Variants in FOXK1 observed in about 807,000 individuals in gnomAD.
FOXK1 encodes forkhead box K1.
FOXK1 carries 19 observed loss-of-function variants against 51.9 expected under a neutral mutation model. The ratio of observed to expected loss-of-function variants is 0.37; its 90% CI spans 0.26 to 0.54. The LOEUF is 0.54. FOXK1 is among the 20% of genes least tolerant of loss of function. FOXK1 has a pLI of 0.87. For synonymous variants in FOXK1, 537 were observed against 482.6 expected (o/e 1.11, Z -1.48); for missense variants, 870 against 1,032.7 (o/e 0.84, Z 2.16).
At chr7:4,700,243 T>C (rs562743536) in intron 1 of FOXK1, among the ~76,000 whole-genome samples, 1 of 152,228 alleles carries the variant, frequency 6.6e-6, no homozygotes, top group Non-Finnish European at 1.5e-5. Context: ...ATAGCCTCAG[T>C]ACATACCAAT....
Position 4,729,168 on chromosome 7 carries a change from A to G in FOXK1, c.561-11670A>G, listed in dbSNP as rs1583198822. Among the ~76,000 whole-genome samples the G allele has an allele frequency of 6.6e-6, 1 of 152,194 alleles. No individual in the cohort carries two copies. The highest frequency in any genetic ancestry group is 1.9e-4 in the East Asian group (1 of 5,196). ...CTTTTTACGTCTGTTTAAGCCACAC[A>G]GCATGGTGGGGAGCGGAGGTGATTT... On this transcript the variant is annotated intron_variant, in intron 1 of 8. Coordinates refer to ENST00000328914, the MANE Select transcript of FOXK1 (RefSeq NM_001037165.2). This position sits in a 1 kb window ranked among gnomAD's most constrained non-coding sequence, Gnocchi z 6.2.
intron 1 of FOXK1, among the ~76,000 whole-genome samples, chr7:4,717,634 C>A (rs1424459121): frequency 6.6e-6 from 1 of 152,148 alleles, no homozygotes; most frequent in Non-Finnish European, 1.5e-5. Flanking sequence ...AGGTACTCCA[C>A]CCTAGCCCCA....
At chr7:4,687,586 G>A (rs1466399538) in intron 1 of FOXK1, among the ~76,000 whole-genome samples, 1 of 152,100 alleles carries the variant, frequency 6.6e-6, no homozygotes, top group Admixed American at 6.6e-5. Flanking sequence ...GAGCTACTAC[G>A]CCCGGCCCCA....
Position 4,754,627 on chromosome 7 carries a change from C to G in FOXK1, c.903+12C>G, listed in dbSNP as rs1230612483. On this transcript the variant is annotated intron_variant, in intron 3 of 8. Transcript: ENST00000328914. Reference sequence around the variant, plus strand: ...GAGACAGCCCCAAGGTCTGAGCCCACCTGGCGCCGTGGTGCACCTGGTGAC... The same window carrying G: ...GAGACAGCCCCAAGGTCTGAGCCCAGCTGGCGCCGTGGTGCACCTGGTGAC... 6.3e-7 allele frequency: 1 copy of G among 1,599,608 alleles called. No homozygotes were observed. The highest frequency in any genetic ancestry group is 1.7e-5 in the Admixed American group (1 of 59,854).
At position 4,766,477 on chromosome 7, in the gene FOXK1, CTT is replaced by C. The variant is rs1296875685; in HGVS notation, c.*4015_*4016del. 6.6e-6 allele frequency: 1 copy of C among 152,194 alleles called. No individual in the cohort carries two copies. Among genetic ancestry groups the C allele is most frequent in the Non-Finnish European group, 1.5e-5 (1 of 68,050 alleles). The allele number at this position is 152,194 out of a possible 1,614,324, so 9.4% of individuals were successfully genotyped here. A position where few individuals can be genotyped will look rare whatever the true frequency, so the allele number is the denominator to read the frequency against. ...TCCTTCCCGAGGTCTGGTAGGTCCT[CTT>C]TGGGATTTGCTGTTTATTTGTATCT... On this transcript the variant is annotated 3_prime_UTR_variant, in exon 9 of 9. Transcript: ENST00000328914. The surrounding 1 kb of genome is among the most constrained non-coding windows in gnomAD (Gnocchi z 5.5).
intron 1 of FOXK1, among the ~76,000 whole-genome samples, chr7:4,712,091 T>C (rs1201807060): frequency 6.6e-6 from 1 of 151,808 alleles, no homozygotes; most frequent in Non-Finnish European, 1.5e-5. Context: ...TTTTTATCCA[T>C]CATCTAATTG....
rs1781052668 is a variant in FOXK1, at chr7:4,768,685, CT to C, written c.*6225del. 1 of 152,874 alleles carries C rather than the reference CT, an allele frequency of 6.5e-6. No homozygotes were observed. Among genetic ancestry groups the C allele is most frequent in the Non-Finnish European group, 1.5e-5 (1 of 68,464 alleles). The allele number at this position is 152,874 out of a possible 1,614,324, so 9.5% of individuals were successfully genotyped here. ...ACCTGGGTGTGTGAAGTTGGGCTGG[CT>C]TTTCCTGGAGGTGGGTGAGAAGGCT... On this transcript the variant is annotated 3_prime_UTR_variant, in exon 9 of 9. Coordinates refer to ENST00000328914, the MANE Select transcript of FOXK1 (RefSeq NM_001037165.2).
At chr7:4,708,044 G>A (rs1184382147) in intron 1 of FOXK1, among the ~76,000 whole-genome samples, 1 of 151,726 alleles carries the variant, frequency 6.6e-6, no homozygotes. Context: ...CTGGTGCTGG[G>A]GTACCGCCTA....
chr7:4,757,071 G>T lies in FOXK1; in HGVS notation c.1128G>T (p.Gly376=), dbSNP rs770487916. 45 of 1,613,804 alleles carry T rather than the reference G, an allele frequency of 2.8e-5. No individual in the cohort carries two copies. Among genetic ancestry groups the T allele is most frequent in the Non-Finnish European group, 5.9e-6 (7 of 1,180,026 alleles). ...VPRSQEEPGK[G]SFWRIDPASE... ...GTTCCCAGGAGGAGCCTGGGAAGGG[G>T]TCCTTTTGGCGAATAGACCCTGCCT... Residue 376 remains glycine, a synonymous_variant, in exon 5 of 9, where the codon GGG becomes GGT. Transcript: ENST00000328914.
intron 1 of FOXK1, among the ~76,000 whole-genome samples, chr7:4,702,303 G>A (rs1439291250): frequency 1.3e-5 from 2 of 152,014 alleles, no homozygotes; most frequent in South Asian, 2.1e-4. Flanking sequence ...ACATACACAC[G>A]TAGACATCTA....
chr7:4,750,202 G>A (rs909771403), intron 2 of FOXK1, among the ~76,000 whole-genome samples: 8 of 152,194 alleles, frequency 5.3e-5, no homozygotes, highest in Non-Finnish European at 1.2e-4. Flanking sequence ...GGGCACAGGC[G>A]TTTGATTCCC....
intron 1 of FOXK1, among the ~76,000 whole-genome samples, chr7:4,699,411 C>G (rs1779992982): frequency 6.6e-6 from 1 of 151,502 alleles, no homozygotes; most frequent in Admixed American, 6.6e-5. Context: ...CTCTGTCACC[C>G]AGGCCGGAGT....
At position 4,730,492 on chromosome 7, in the gene FOXK1, G is replaced by C. The variant is rs879394924; in HGVS notation, c.561-10346G>C. Among the ~76,000 whole-genome samples the C allele has an allele frequency of 2.0e-5, 3 of 152,224 alleles. No individual in the cohort carries two copies. Among genetic ancestry groups the C allele is most frequent in the Non-Finnish European group, 4.4e-5 (3 of 68,036 alleles). Reference sequence around the variant, plus strand: ...AGGCCCAGTGGAGAGGGCGTGGTTTGCAGGCACCAGTGCTGGTTCCGTGTC... The same window carrying C: ...AGGCCCAGTGGAGAGGGCGTGGTTTCCAGGCACCAGTGCTGGTTCCGTGTC... On this transcript the variant is annotated intron_variant, in intron 1 of 8. Transcript: ENST00000328914. This position sits in a 1 kb window ranked among gnomAD's most constrained non-coding sequence, Gnocchi z 4.7.
In FOXK1 at chr7:4,761,315, C is replaced by T. The variant is rs766133077; in HGVS notation, c.1921+27C>T. ...TGAGGCCCTGGCCCTGTTCTCCATG[C>T]CACATCCCAAGCTCTGTGGCTCCCA... On this transcript the variant is annotated intron_variant, in intron 8 of 8. Transcript: ENST00000328914. This position sits in a 1 kb window ranked among gnomAD's most constrained non-coding sequence, Gnocchi z 6.2. 2 of 1,596,726 alleles carry T rather than the reference C, an allele frequency of 1.3e-6. No individual in the cohort carries two copies. Among genetic ancestry groups the T allele is most frequent in the Admixed American group, 3.4e-5 (2 of 58,836 alleles).
At position 4,682,937 on chromosome 7, in the gene FOXK1, G is replaced by C; in HGVS notation, c.560+69G>C. The C allele has an allele frequency of 7.3e-7, 1 of 1,365,884 alleles. No homozygotes were observed. Among genetic ancestry groups the C allele is most frequent in the South Asian group, 1.5e-5 (1 of 64,954 alleles). The allele number at this position is 1,365,884 out of a possible 1,614,324, so 84.6% of individuals were successfully genotyped here. A position where few individuals can be genotyped will look rare whatever the true frequency, so the allele number is the denominator to read the frequency against. ...CCACGACCTCGATCTCTGAGGCCCG[G>C]GCCTGGGGATCCCCCTCCAGCTTCC... is the stretch of plus-strand genomic sequence containing the variant. On this transcript the variant is annotated intron_variant, in intron 1 of 8. Coordinates refer to ENST00000328914, the MANE Select transcript of FOXK1 (RefSeq NM_001037165.2). This position sits in a 1 kb window ranked among gnomAD's most constrained non-coding sequence, Gnocchi z 7.6.
rs570450876 is a variant in FOXK1 at position 4,723,610 on chromosome 7, C to T, written c.561-17228C>T. On this transcript the variant is annotated intron_variant, in intron 1 of 8. Coordinates refer to ENST00000328914, the MANE Select transcript of FOXK1 (RefSeq NM_001037165.2). This position sits in a 1 kb window ranked among gnomAD's most constrained non-coding sequence, Gnocchi z 4.7. ...TGGTACAATCGCCACGGCACAGGACCGAGCGTGGAGAGTTGCAGCAGTGCA... is the reference window on the plus strand; with the variant it reads ...TGGTACAATCGCCACGGCACAGGACTGAGCGTGGAGAGTTGCAGCAGTGCA... Among the ~76,000 whole-genome samples the T allele has an allele frequency of 3.9e-5, 6 of 152,256 alleles. No individual in the cohort carries two copies. In the South Asian group the frequency reaches 6.2e-4, roughly 16 times the overall value.
At chr7:4,739,682 G>A (rs1351217322) in intron 1 of FOXK1, among the ~76,000 whole-genome samples, 8 of 152,154 alleles carry the variant, frequency 5.3e-5, no homozygotes, top group African/African-American at 1.2e-4. Context: ...TCGTGAAGCC[G>A]GTCCATTAAG....
Position 4,709,886 on chromosome 7 carries a change from T to C in FOXK1, c.560+27018T>C, listed in dbSNP as rs1442554698. On this transcript the variant is annotated intron_variant, in intron 1 of 8. Coordinates refer to ENST00000328914, the MANE Select transcript of FOXK1 (RefSeq NM_001037165.2). This position sits in a 1 kb window ranked among gnomAD's most constrained non-coding sequence, Gnocchi z 5.6. ...GGAGAGAGGATCGAATGAGTTCACT[T>C]AGAACAACGCGTGACACGTTTGAAC... is the stretch of plus-strand genomic sequence containing the variant. Among the ~76,000 whole-genome samples the C allele has an allele frequency of 6.6e-6, 1 of 152,140 alleles. No individual in the cohort carries two copies. Among genetic ancestry groups the C allele is most frequent in the East Asian group, 1.9e-4 (1 of 5,188 alleles).
chr7:4,686,537 G>A (rs533443580), intron 1 of FOXK1, among the ~76,000 whole-genome samples: 2 of 152,300 alleles, frequency 1.3e-5, no homozygotes, highest in African/African-American at 4.8e-5. Context: ...GGCACAGGGG[G>A]AGTGTGCGTG....
Sources: allele counts gnomAD v4.1 joint callset (sites outside exome capture counted in the v4.1 genomes callset), GRCh38; gene constraint gnomAD v4.1.1; non-coding constraint Gnocchi (gnomAD v3.1); transcripts MANE v1.5; gene names NCBI Gene and HGNC (gene_info 2026-07-23, HGNC 2026-07-21).